Variants in ANK3 observed in about 807,000 individuals in gnomAD.
The protein encoded by ANK3 is ankyrin 3.
In ANK3, 57 loss-of-function variants were observed where a neutral mutation model predicts 370.9. The ratio of observed to expected loss-of-function variants is 0.15; its 90% confidence interval spans 0.12 to 0.19. The LOEUF is 0.19. ANK3 is among the 10% of genes least tolerant of loss of function. The pLI, the probability that ANK3 is intolerant of heterozygous loss-of-function variation, is 1.00. For missense variants in ANK3, 4,439 were observed against 5,302.1 expected, an observed-to-expected ratio of 0.84 and a Z score of 5.06; for synonymous variants, 1,929 against 1,946.3, an observed-to-expected ratio of 0.99 and a Z score of 0.23.
At chr10:60,603,627 G>T (rs1388827216) in intron 2 of ANK3, among the ~76,000 whole-genome samples, 5 of 152,100 alleles carry the variant, frequency 3.3e-5, no homozygotes, top group Admixed American at 6.6e-5. Context: ...TTACCATAAT[G>T]AAATGTTGAT....
intron 23 of ANK3, among the ~76,000 whole-genome samples, chr10:60,162,052 A>G (rs1254761774): frequency 6.6e-6 from 1 of 152,172 alleles, no homozygotes. Context: ...TGTATCCATT[A>G]TTACAAATTA....
chr10:60,436,981 G>A (rs1299319101), intron 2 of ANK3, among the ~76,000 whole-genome samples: 5 of 152,178 alleles, frequency 3.3e-5, no homozygotes, highest in Non-Finnish European at 7.3e-5. Context: ...CTAGTCTGTT[G>A]TAGACTGGAG....
intron 1 of ANK3, among the ~76,000 whole-genome samples, chr10:60,339,494 G>T (rs2053770637): frequency 6.6e-6 from 1 of 152,128 alleles, no homozygotes; most frequent in East Asian, 1.9e-4. Context: ...CACTTCATCT[G>T]AGCAGGCTGT....
intron 1 of ANK3, among the ~76,000 whole-genome samples, chr10:60,692,906 T>A (rs1256194354): frequency 1.3e-5 from 2 of 152,154 alleles, no homozygotes; most frequent in South Asian, 2.1e-4. Flanking sequence ...AACAAAAAAA[T>A]TATTTTATTA....
chr10:60,063,120 G>A lies in ANK3; in HGVS notation c.12586C>T (p.Pro4196Ser). ...FADENNVFHD[P>S]VDGWQNETSS... ...CACTAAATTCGATTACCATCAACAG[G>A]GTCATGGAAAACATTGTTCTCATCT... Residue 4196 changes from proline to serine, a missense_variant, in exon 40 of 44, where the codon CCT (proline) becomes TCT (serine). Transcript: ENST00000280772. 6.2e-7 allele frequency: 1 copy of A among 1,610,426 alleles called. No individual in the cohort carries two copies. Among genetic ancestry groups the A allele is most frequent in the Non-Finnish European group, 8.5e-7 (1 of 1,178,966 alleles).
At chr10:60,298,975 A>G (rs928426812) in intron 1 of ANK3, among the ~76,000 whole-genome samples, 1 of 152,190 alleles carries the variant, frequency 6.6e-6, no homozygotes, top group African/African-American at 2.4e-5. Context: ...GTACAGTTTG[A>G]AAGTTTTGGA....
At chr10:60,135,207 C>T (rs1388345055) in intron 24 of ANK3, among the ~76,000 whole-genome samples, 1 of 152,158 alleles carries the variant, frequency 6.6e-6, no homozygotes, top group Non-Finnish European at 1.5e-5. Context: ...AGGCAAAGAC[C>T]GGAATTGAAG....
intron 2 of ANK3, among the ~76,000 whole-genome samples, chr10:60,553,355 G>A (rs10761519): frequency 0.69 from 105,549 of 152,002 alleles, 37,021 homozygotes; most frequent in South Asian, 0.88. Flanking sequence ...AGAATGAGAT[G>A]ACTTACATAA....
Position 60,395,550 on chromosome 10 carries a change from C to CTCTTTCTTTCTTTCTTTCTTTCTTT in ANK3, c.97-115936_97-115912dup, listed in dbSNP as rs1567004094. Among the ~76,000 whole-genome samples the CTCTTTCTTTCTTTCTTTCTTTCTTT allele has an allele frequency of 3.4e-3, 367 of 108,124 alleles. 7 individuals are homozygous for CTCTTTCTTTCTTTCTTTCTTTCTTT. The highest frequency in any genetic ancestry group is 8.3e-3 in the Admixed American group (80 of 9,692). 70.9% of individuals were successfully genotyped at this position (108,124 alleles called of 152,430 possible). On this transcript the variant is annotated intron_variant, in intron 2 of 43. Coordinates refer to the ANK3 transcript ENST00000373827. ...AACACTTAGCAATCAACTACTATGC[C>CTCTTTCTTTCTTTCTTTCTTTCTTT]TCTTTCTTTCTTTCTTTCTTTCTTT...
intron 1 of ANK3, among the ~76,000 whole-genome samples, chr10:60,288,951 C>T (rs1013774358): frequency 1.3e-5 from 2 of 150,316 alleles, no homozygotes; most frequent in African/African-American, 2.5e-5. Context: ...GATTCAGATT[C>T]GATTGGTCTG....
intron 2 of ANK3, among the ~76,000 whole-genome samples, chr10:60,601,937 T>C (rs1312991799): frequency 6.6e-6 from 1 of 152,156 alleles, no homozygotes; most frequent in Non-Finnish European, 1.5e-5. Context: ...ATTGATATGC[T>C]CAGTGAAGTA....
At chr10:60,206,201 G>T (rs2096759137) in intron 10 of ANK3, among the ~76,000 whole-genome samples, 1 of 152,264 alleles carries the variant, frequency 6.6e-6, no homozygotes, top group South Asian at 2.1e-4. Context: ...GGCTGGGTGT[G>T]GTGGCTCACA....
intron 2 of ANK3, among the ~76,000 whole-genome samples, chr10:60,418,081 G>A (rs10761497): frequency 0.58 from 88,816 of 151,844 alleles, 26,403 homozygotes; most frequent in African/African-American, 0.68. Flanking sequence ...TCCTTCAGTT[G>A]TCAGAGCCCT....
Position 60,166,837 on chromosome 10 carries a change from C to T in ANK3, c.2538G>A (p.Met846Ile). 1 of 1,613,858 alleles carries T rather than the reference C, an allele frequency of 6.2e-7. No individual in the cohort carries two copies. The highest frequency in any genetic ancestry group is 1.1e-5 in the South Asian group (1 of 91,076). ...VPETMNEVLD[M>I]SDDEVRKANA... The stretch of plus-strand genomic sequence containing the variant: ...ACATTTTCATACCTTCATCATCAGA[C>T]ATATCAAGAACTTCATTCATCGTTT... Residue 846 changes from methionine (M) to isoleucine (I), a missense_variant, in exon 22 of 44, where the codon ATG (methionine) becomes ATA (isoleucine). By Grantham distance (10) the Met-to-Ile change is conservative. Coordinates refer to ENST00000280772, the MANE Select transcript of ANK3 (RefSeq NM_020987.5).
At chr10:60,046,173 A>G (rs997558350) in intron 42 of ANK3, among the ~76,000 whole-genome samples, 5 of 152,222 alleles carry the variant, frequency 3.3e-5, no homozygotes, top group African/African-American at 1.2e-4. Flanking sequence ...AAAATTTGCA[A>G]CACGTTTTTA....
In ANK3 at chr10:60,696,500, C is replaced by T. The variant is rs954931282; in HGVS notation, c.57+36763G>A. Among the ~76,000 whole-genome samples the T allele has an allele frequency of 4.0e-5, 6 of 151,530 alleles. No individual in the cohort carries two copies. The East Asian group carries it at 5.8e-4, about 15-fold the overall frequency. ...TTGATGAACATTGATGCAAAAATCC[C>T]CAATAAAATACTGGCAAACCGAATC... On this transcript the variant is annotated intron_variant, in intron 1 of 43. Coordinates refer to the ANK3 transcript ENST00000373827.
At chr10:60,569,508 T>C (rs2077541311) in intron 2 of ANK3, among the ~76,000 whole-genome samples, 1 of 152,174 alleles carries the variant, frequency 6.6e-6, no homozygotes, top group African/African-American at 2.4e-5. Context: ...CTATGGAATA[T>C]GGATACACAC....
rs1008015331 is a variant in ANK3 at position 60,677,156 on chromosome 10, T to C, written c.57+56107A>G. On this transcript the variant is annotated intron_variant, in intron 1 of 43. Coordinates refer to the ANK3 transcript ENST00000373827. ...GTGCCCTTAAGTGGAATAGTACAGT[T>C]ACAGTTCAGAGAAAGTACAACAGCA... Among the ~76,000 whole-genome samples the C allele has an allele frequency of 2.6e-5, 4 of 152,270 alleles. No individual in the cohort carries two copies. In the South Asian group the frequency reaches 8.3e-4, roughly 32 times the overall value.
intron 2 of ANK3, among the ~76,000 whole-genome samples, chr10:60,462,113 C>T (rs1277777927): frequency 6.6e-6 from 1 of 151,822 alleles, no homozygotes; most frequent in East Asian, 1.9e-4. Context: ...CAAGAGCTGG[C>T]AGAAATCAGT....
Sources: gnomAD v4.1 joint callset for allele counts (sites outside exome capture counted in the v4.1 genomes callset) on GRCh38, gnomAD v4.1.1 for gene constraint, MANE v1.5 for transcripts, NCBI Gene and HGNC (gene_info 2026-07-23, HGNC 2026-07-21) for gene names.